TCF7L2: variants seen among roughly 807,000 people sequenced by gnomAD.
The protein encoded by TCF7L2 is transcription factor 7-like 2.
Under a neutral mutation model 77.9 loss-of-function variants are expected in TCF7L2, and 23 were observed. That is an observed-to-expected ratio of 0.30 (90% confidence interval 0.21 to 0.42). The LOEUF (loss-of-function observed/expected upper bound fraction) is 0.42, where lower values mean the gene tolerates loss of function less well. Ranked by LOEUF, TCF7L2 falls within the 10% of genes least tolerant of loss-of-function variation. The probability of loss-of-function intolerance (pLI) is 1.00; values close to 1 mark genes in which losing one functional copy is unlikely to be tolerated. For missense variants in TCF7L2, 654 were observed against 793.1 expected (o/e 0.82, Z 2.11); for synonymous variants, 413 against 340.2 (o/e 1.21, Z -2.36).
At chr10:112,981,483 G>C (rs1476603084) in intron 4 of TCF7L2, among the ~76,000 whole-genome samples, 1 of 152,152 alleles carries the variant, frequency 6.6e-6, no homozygotes, top group East Asian at 1.9e-4. Context: ...AGTTTTTGCT[G>C]ATTGGGTTGG....
chr10:113,040,494 G>C (rs1228016598), intron 5 of TCF7L2, among the ~76,000 whole-genome samples: 2 of 152,126 alleles, frequency 1.3e-5, no homozygotes, highest in Non-Finnish European at 2.9e-5. Flanking sequence ...GAGGGAATTA[G>C]AAAACTCAAA....
chr10:113,054,063 T>C (rs2054933801), intron 5 of TCF7L2, among the ~76,000 whole-genome samples: 1 of 152,222 alleles, frequency 6.6e-6, no homozygotes, highest in Non-Finnish European at 1.5e-5. Flanking sequence ...CCAGGGAACC[T>C]GGAGGCCTGT....
At chr10:113,105,466 A>G (rs2062179002) in intron 5 of TCF7L2, among the ~76,000 whole-genome samples, 1 of 152,192 alleles carries the variant, frequency 6.6e-6, no homozygotes, top group Non-Finnish European at 1.5e-5. Context: ...CAGGAAAGCC[A>G]TAACACAGGG....
chr10:113,077,051 T>C (rs1044683911), intron 5 of TCF7L2, among the ~76,000 whole-genome samples: 1 of 152,226 alleles, frequency 6.6e-6, no homozygotes, highest in African/African-American at 2.4e-5. Context: ...AAGAGCTAGT[T>C]ATCATCCCTT....
intron 4 of TCF7L2, among the ~76,000 whole-genome samples, chr10:113,018,009 A>G (rs898612488): frequency 7.9e-5 from 12 of 152,190 alleles, no homozygotes; most frequent in Admixed American, 3.9e-4. Context: ...GGTGGTCAGC[A>G]TGTAGTTCTG....
chr10:112,975,315 G>A (rs895179381), intron 4 of TCF7L2, among the ~76,000 whole-genome samples: 1 of 152,104 alleles, frequency 6.6e-6, no homozygotes, highest in South Asian at 2.1e-4. Context: ...GGCTCGGTCT[G>A]GAAACTGGCA....
chr10:113,126,593 G>A (rs946072447), intron 5 of TCF7L2: 1 of 984,822 alleles, frequency 1.0e-6, no homozygotes, highest in Non-Finnish European at 1.2e-6. Context: ...TCCCTTTTGT[G>A]GGGGGGTGGG....
intron 4 of TCF7L2, among the ~76,000 whole-genome samples, chr10:112,984,970 T>C (rs2041212227): frequency 6.6e-6 from 1 of 152,198 alleles, no homozygotes; most frequent in Non-Finnish European, 1.5e-5. Context: ...GGGACTCAAG[T>C]CAGCAGTGTC....
intron 5 of TCF7L2, among the ~76,000 whole-genome samples, chr10:113,050,808 C>T (rs1037601805): frequency 6.6e-6 from 1 of 152,150 alleles, no homozygotes; most frequent in Admixed American, 6.5e-5. Flanking sequence ...GCATCTTTCC[C>T]ACAGTCTTCC....
At chr10:113,111,740 T>C (rs1707927919) in intron 5 of TCF7L2, among the ~76,000 whole-genome samples, 1 of 152,150 alleles carries the variant, frequency 6.6e-6, no homozygotes, top group African/African-American at 2.4e-5. Flanking sequence ...TGTAATGAGC[T>C]GTGATCACGC....
At chr10:113,076,621 A>C (rs1048883322) in intron 5 of TCF7L2, among the ~76,000 whole-genome samples, 21 of 152,212 alleles carry the variant, frequency 1.4e-4, no homozygotes, top group African/African-American at 5.1e-4. Flanking sequence ...CAGAAATTCT[A>C]TGGTTCCTTT....
intron 11 of TCF7L2, among the ~76,000 whole-genome samples, chr10:113,155,552 T>A (rs1179972041): frequency 6.6e-6 from 1 of 152,212 alleles, no homozygotes; most frequent in Non-Finnish European, 1.5e-5. Context: ...AGTCAACATC[T>A]CCGTGCTATA....
intron 12 of TCF7L2, 112 bp downstream of exon 14, chr10:113,160,104 C>T: frequency 3.1e-6 from 3 of 954,852 alleles, no homozygotes; most frequent in Admixed American, 4.2e-5. Context: ...TCAGGAGACA[C>T]AGGGGAGTGG....
chr10:113,062,559 C>G (rs1322802908), intron 5 of TCF7L2, among the ~76,000 whole-genome samples: 1 of 150,798 alleles, frequency 6.6e-6, no homozygotes, highest in Non-Finnish European at 1.5e-5. Context: ...TTTTTTCTTA[C>G]TGTCTCCCCC....
intron 4 of TCF7L2, among the ~76,000 whole-genome samples, chr10:113,015,457 T>A: frequency 6.7e-6 from 1 of 149,712 alleles, no homozygotes; most frequent in Admixed American, 6.6e-5. Context: ...TTTTTTTTTT[T>A]TTTTTTTTTT....
At chr10:113,162,306 A>G (rs1479601592) in intron 13 of TCF7L2, among the ~76,000 whole-genome samples, 1 of 151,706 alleles carries the variant, frequency 6.6e-6, no homozygotes, top group Non-Finnish European at 1.5e-5. Flanking sequence ...TAGTTTGTTT[A>G]TTTTATTAAT....
intron 4 of TCF7L2, among the ~76,000 whole-genome samples, chr10:112,977,929 A>G (rs2039738725): frequency 6.6e-6 from 1 of 152,160 alleles, no homozygotes; most frequent in Admixed American, 6.5e-5. Flanking sequence ...AGCAGAAAGG[A>G]GAGGAGTTGT....
intron 5 of TCF7L2, among the ~76,000 whole-genome samples, chr10:113,069,347 GCCT>G (rs2057666720): frequency 6.6e-6 from 1 of 151,798 alleles, no homozygotes; most frequent in Non-Finnish European, 1.5e-5. Context: ...TCCTGCCTCA[GCCT>G]CCTGAGTAGC....
At chr10:113,098,796 A>G (rs1481552981) in intron 5 of TCF7L2, among the ~76,000 whole-genome samples, 6 of 152,254 alleles carry the variant, frequency 3.9e-5, no homozygotes, top group Non-Finnish European at 8.8e-5. Flanking sequence ...GAATTGTAAT[A>G]TAAATTCGTA....
Sources: allele counts gnomAD v4.1 joint callset (sites outside exome capture counted in the v4.1 genomes callset), GRCh38; gene constraint gnomAD v4.1.1; transcripts MANE v1.5; gene names NCBI Gene and HGNC (gene_info 2026-07-23, HGNC 2026-07-21).